LAS1L: variants seen among roughly 807,000 people sequenced by gnomAD.
LAS1L encodes LAS1 like ribosome biogenesis factor, also known as ribosomal biogenesis protein LAS1L.
A neutral mutation model predicts 57.3 loss-of-function variants in LAS1L; 5 were observed. The observed-to-expected ratio is 0.09, with a 90% confidence interval of 0.05 to 0.18. The LOEUF is 0.18. Among genes scored for constraint, LAS1L ranks in the 10% least tolerant of loss-of-function variants. The pLI, the probability that LAS1L is intolerant of heterozygous loss-of-function variation, is 1.00. For missense variants in LAS1L, 360 were observed against 568.3 expected (o/e 0.63, Z 3.73); for synonymous variants, 245 against 231.7 (o/e 1.06, Z -0.52).
Position 65,525,002 on chromosome X carries a change from T to C in LAS1L, c.1005A>G (p.Thr335=). The C allele has an allele frequency of 8.3e-7, 1 of 1,210,278 alleles. No individual in the cohort carries two copies. The highest frequency in any genetic ancestry group is 1.8e-5 in the South Asian group (1 of 56,579). ...TCTGCAAAGCTGCCAACTGTTCAAA[T>C]GTGGGGACAAGGAAGCCATCATCCA... The part of the protein sequence containing the change: ...AFLDDGFLVP[T]FEQLAALQIE... Residue 335 remains threonine (T), a synonymous_variant, in exon 8 of 14, where the codon ACA becomes ACG. Transcript: ENST00000374811.
At chrX:65,530,133 G>A (rs1047586290) in intron 4 of LAS1L, among the ~76,000 whole-genome samples, 1 of 112,861 alleles carries the variant, frequency 8.9e-6, no homozygotes, top group African/African-American at 3.2e-5. Context: ...ACAGTTAAGG[G>A]GCTAGTAAGT....
In LAS1L at chrX:65,512,626, AG is replaced by A; in HGVS notation, c.*148del. ...TTTTTCAAAACAAAACAAAAACAAA[AG>A]ACATTCAAAATTCCCCTGTGGTGGA... is the stretch of plus-strand genomic sequence containing the variant. On this transcript the variant is annotated 3_prime_UTR_variant, in exon 14 of 14. Coordinates refer to ENST00000374811, the MANE Select transcript of LAS1L (RefSeq NM_031206.7). 1.5e-6 allele frequency: 1 copy of A among 653,108 alleles called. No homozygotes were observed. The highest frequency in any genetic ancestry group is 2.2e-6 in the Non-Finnish European group (1 of 447,647). The allele number at this position is 653,108 out of a possible 1,213,427, so 53.8% of individuals were successfully genotyped here.
At chrX:65,512,972 A>G in intron 13 of LAS1L, 71 bp from the exon 14 acceptor site, 1 of 1,019,340 alleles carries the variant, frequency 9.8e-7, no homozygotes. Flanking sequence ...AGAGTGCTTG[A>G]CATGTGTGTA....
intron 9 of LAS1L, 82 bp from the exon 10 acceptor site, chrX:65,524,344 A>G: frequency 1.3e-6 from 1 of 774,130 alleles, no homozygotes; most frequent in Non-Finnish European, 1.9e-6. Flanking sequence ...AAGAGACAGC[A>G]AGAGAAAGGA....
chrX:65,527,643 G>A (rs1417670568), intron 7 of LAS1L, among the ~76,000 whole-genome samples: 3 of 109,910 alleles, frequency 2.7e-5, no homozygotes, highest in African/African-American at 1.0e-4. Flanking sequence ...GACCAGCCTC[G>A]CCAACATGGT....
intron 13 of LAS1L, 58 bp downstream of exon 13, chrX:65,514,765 T>C: frequency 1.9e-6 from 2 of 1,077,691 alleles, no homozygotes; most frequent in African/African-American, 3.7e-5. Context: ...TTGTCTTCTC[T>C]CCCTCCCACA....
chrX:65,512,658 G>A lies in LAS1L; in HGVS notation c.*117C>T. ...CAAAATTCCCCTGTGGTGGACAACT[G>A]AGTTGATGTGGCTGATCCAGGCTGT... On this transcript the variant is annotated 3_prime_UTR_variant, in exon 14 of 14. Coordinates refer to ENST00000374811, the MANE Select transcript of LAS1L (RefSeq NM_031206.7). 1 of 839,496 alleles carries A rather than the reference G, an allele frequency of 1.2e-6. No individual in the cohort carries two copies. The highest frequency in any genetic ancestry group is 1.6e-6 in the Non-Finnish European group (1 of 609,583). 69.2% of individuals were successfully genotyped at this position (839,496 alleles called of 1,213,427 possible).
At chrX:65,521,838 T>G (rs1246508650) in intron 11 of LAS1L, 1 of 110,741 alleles carries the variant, frequency 9.0e-6, no homozygotes. Flanking sequence ...AAAGCAACTC[T>G]GGGGGTGAAT....
At chrX:65,526,401 TA>T (rs1424509059) in intron 7 of LAS1L, among the ~76,000 whole-genome samples, 3 of 111,935 alleles carry the variant, frequency 2.7e-5, no homozygotes, top group Non-Finnish European at 5.6e-5. Flanking sequence ...ACTACTGTGT[TA>T]GGGGCATAGT....
In LAS1L at chrX:65,528,384, G is replaced by C. The variant is rs1436970253; in HGVS notation, c.847-15C>G. ...TTCTCCAGCACCTGCCAGCAAAGAGGGTCCCATCAGAAGGCTGGTTCAGCC... is the reference window on the plus strand; with the variant it reads ...TTCTCCAGCACCTGCCAGCAAAGAGCGTCCCATCAGAAGGCTGGTTCAGCC... On this transcript the variant is annotated splice_polypyrimidine_tract_variant and intron_variant, in intron 6 of 13. Coordinates refer to ENST00000374811, the MANE Select transcript of LAS1L (RefSeq NM_031206.7). The C allele has an allele frequency of 9.4e-7, 1 of 1,058,748 alleles. No homozygotes were observed. Among genetic ancestry groups the C allele is most frequent in the Admixed American group, 2.5e-5 (1 of 39,593 alleles). 87.3% of individuals were successfully genotyped at this position (1,058,748 alleles called of 1,213,427 possible).
At chrX:65,525,649 A>G (rs1190841319) in intron 7 of LAS1L, among the ~76,000 whole-genome samples, 1 of 105,935 alleles carries the variant, frequency 9.4e-6, no homozygotes, top group African/African-American at 3.6e-5. Flanking sequence ...ATCCCTATCT[A>G]TTAACCCATT....
chrX:65,513,010 T>C, intron 13 of LAS1L, 109 bp from the exon 14 acceptor site: 1 of 833,223 alleles, frequency 1.2e-6, no homozygotes. Flanking sequence ...CTCTCCTGCC[T>C]GGCTTTACAA....
chrX:65,534,532 C>T lies in LAS1L; in HGVS notation c.184G>A (p.Asp62Asn). 1 of 1,209,159 alleles carries T rather than the reference C, an allele frequency of 8.3e-7. No homozygotes were observed. The highest frequency in any genetic ancestry group is 1.1e-6 in the Non-Finnish European group (1 of 894,170). ...AGCGCGTACCGCTGCAACTTATGGTCGTCACAGAACAGATAAACCGTCACC... is the reference window on the plus strand; with the variant it reads ...AGCGCGTACCGCTGCAACTTATGGTTGTCACAGAACAGATAAACCGTCACC... ...DQVTVYLFCD[D>N]HKLQRYALNR... Residue 62 changes from aspartate to asparagine, a missense_variant, in exon 1 of 14, where the codon GAC (aspartate) becomes AAC (asparagine). By Grantham distance (23) the Asp-to-Asn change is conservative. This residue lies in a region of LAS1L where 25 missense variants were observed against 38.2 expected (regional missense o/e 0.65). Coordinates refer to ENST00000374811, the MANE Select transcript of LAS1L (RefSeq NM_031206.7).
rs1014510438 is a variant in LAS1L, at chrX:65,531,435, T to C, written c.436A>G (p.Asn146Asp). 8.4e-7 allele frequency: 1 copy of C among 1,184,951 alleles called. No homozygotes were observed. The highest frequency in any genetic ancestry group is 1.1e-6 in the Non-Finnish European group (1 of 871,293). ...AGGTCAACAATCCAATCCGGAATAT[T>C]TACCTGATTACAGGGGAGGGTGTGA... Reference protein sequence around the residue: ...VPLKCLAQEVNIPDWIVDLRH... With the variant: ...VPLKCLAQEVDIPDWIVDLRH... The change falls in exon 4 of 14, where the codon AAT becomes GAT. Residue 146 changes from asparagine (N) to aspartate (D), a missense_variant. Around this residue, in one of 7 missense-constraint regions of LAS1L, gnomAD observed 43 missense variants for 78.0 expected, o/e 0.55. Transcript: ENST00000374811.
intron 4 of LAS1L, among the ~76,000 whole-genome samples, chrX:65,530,498 A>G (rs1325681054): frequency 9.0e-6 from 1 of 110,629 alleles, no homozygotes; most frequent in African/African-American, 3.3e-5. Flanking sequence ...GTGCAACATG[A>G]TGAAGCCCCA....
In LAS1L at chrX:65,529,686, G is replaced by C. The variant is rs145338657; in HGVS notation, c.707C>G (p.Thr236Arg). The C allele has an allele frequency of 8.3e-7, 1 of 1,211,269 alleles. No homozygotes were observed. Among genetic ancestry groups the C allele is most frequent in the South Asian group, 1.8e-5 (1 of 56,986 alleles). ...KPEPQDDGKS[T>R]ESDVKADGDS... ...TCCATCGGCCTTTACATCTGACTCC[G>C]TACTTTTCCCATCATCCTGAGGCTC... The change falls in exon 5 of 14, where the codon ACG becomes AGG. Residue 236 changes from threonine (T) to arginine (R), a missense_variant. Coordinates refer to ENST00000374811, the MANE Select transcript of LAS1L (RefSeq NM_031206.7).
intron 11 of LAS1L, chrX:65,522,379 T>G (rs1316500922): frequency 9.2e-6 from 1 of 109,270 alleles, no homozygotes; most frequent in Non-Finnish European, 1.9e-5. Context: ...AGAAAACAAG[T>G]AAAAGTTCAG....
intron 4 of LAS1L, among the ~76,000 whole-genome samples, chrX:65,530,612 G>T (rs1437289622): frequency 9.3e-6 from 1 of 107,874 alleles, no homozygotes; most frequent in Non-Finnish European, 1.9e-5. Context: ...TTCGAGACTA[G>T]CCTGACCAAC....
intron 4 of LAS1L, 143 bp from the exon 5 acceptor site, chrX:65,530,021 T>C (rs1303276762): frequency 5.7e-6 from 3 of 523,218 alleles, no homozygotes; most frequent in Middle Eastern, 5.7e-4. Flanking sequence ...AAGCAGCCTC[T>C]TTCACTCTGG....
Sources: gnomAD v4.1 joint callset for allele counts (sites outside exome capture counted in the v4.1 genomes callset) on GRCh38, gnomAD v4.1.1 for gene constraint, gnomAD v4.1.1 regional missense constraint, MANE v1.5 for transcripts, NCBI Gene and HGNC (gene_info 2026-07-23, HGNC 2026-07-21) for gene names.